The following DACH1 variants were observed in gnomAD, a reference collection of about 807,000 sequenced individuals.
DACH1 encodes dachshund family transcription factor 1.
In DACH1, 12 loss-of-function variants were observed where a neutral mutation model predicts 54.2. The observed-to-expected ratio is 0.22, with a 90% CI of 0.14 to 0.36. The LOEUF (loss-of-function observed/expected upper bound fraction) is 0.36, where lower values mean the gene tolerates loss of function less well. DACH1 is among the 10% of genes least tolerant of loss of function. DACH1 has a pLI of 1.00. For synonymous variants in DACH1, 386 were observed against 366.2 expected, an observed-to-expected ratio of 1.05 and a Z score of -0.62; for missense variants, 805 against 929.8, an observed-to-expected ratio of 0.87 and a Z score of 1.75.
At chr13:71,505,288 G>A (rs967066977) in intron 6 of DACH1, among the ~76,000 whole-genome samples, 3 of 151,986 alleles carry the variant, frequency 2.0e-5, no homozygotes, top group East Asian at 1.9e-4. Context: ...TCCTCATGTC[G>A]TCCAGGATGG....
chr13:71,566,824 G>GA (rs1332366478), intron 4 of DACH1, among the ~76,000 whole-genome samples: 1 of 151,728 alleles, frequency 6.6e-6, no homozygotes, highest in Non-Finnish European at 1.5e-5. Flanking sequence ...AAATTTTTGT[G>GA]AAAAAAATTT....
At chr13:71,568,611 C>T (rs1189632278) in intron 4 of DACH1, among the ~76,000 whole-genome samples, 1 of 151,896 alleles carries the variant, frequency 6.6e-6, no homozygotes, top group South Asian at 2.1e-4. Context: ...TATTGAGATG[C>T]AAATTTTAAT....
At chr13:71,688,256 T>C (rs1443817422) in intron 1 of DACH1, among the ~76,000 whole-genome samples, 1 of 152,224 alleles carries the variant, frequency 6.6e-6, no homozygotes, top group Non-Finnish European at 1.5e-5. Flanking sequence ...TTAATGTATG[T>C]ATATCAATAT....
chr13:71,687,460 G>A (rs565459571), intron 1 of DACH1, among the ~76,000 whole-genome samples: 3 of 152,012 alleles, frequency 2.0e-5, no homozygotes, highest in African/African-American at 7.2e-5. Flanking sequence ...AGTAAAGGAA[G>A]CAATAAATAC....
chr13:71,654,448 A>ATAAAGTAAAG lies in DACH1; in HGVS notation c.965-23732_965-23731insCTTTACTTTA, dbSNP rs1878932181. Among the ~76,000 whole-genome samples the ATAAAGTAAAG allele has an allele frequency of 2.8e-4, 29 of 105,212 alleles. 1 individual carries two copies. The South Asian group carries it at 3.4e-3, about 12-fold the overall frequency. 69.0% of individuals were successfully genotyped at this position (105,212 alleles called of 152,430 possible). A position where few individuals can be genotyped will look rare whatever the true frequency, so the allele number is the denominator to read the frequency against. ...ATAAAATAAAATAAAATAAAATAAA[A>ATAAAGTAAAG]TAAAATAAAGTAAAATAAAATAAAA... On this transcript the variant is annotated intron_variant, in intron 2 of 10. Transcript: ENST00000613252.
intron 8 of DACH1, 97 bp downstream of exon 8, chr13:71,479,072 A>C (rs1327906669): frequency 8.3e-7 from 1 of 1,209,134 alleles, no homozygotes; most frequent in African/African-American, 1.5e-5. Flanking sequence ...CGTTAAATTA[A>C]CAAAAATACT....
intron 1 of DACH1, among the ~76,000 whole-genome samples, chr13:71,813,137 T>C (rs1361258295): frequency 3.3e-5 from 5 of 152,230 alleles, no homozygotes; most frequent in Non-Finnish European, 7.3e-5. Context: ...GAGTACCTAC[T>C]ATGTTATTTT....
At chr13:71,650,948 G>T (rs1379688114) in intron 2 of DACH1, among the ~76,000 whole-genome samples, 1 of 152,038 alleles carries the variant, frequency 6.6e-6, no homozygotes, top group African/African-American at 2.4e-5. Context: ...AATTCATTAT[G>T]CATGAAGTAA....
chr13:71,747,902 T>C (rs1274481456), intron 1 of DACH1, among the ~76,000 whole-genome samples: 5 of 152,128 alleles, frequency 3.3e-5, no homozygotes, highest in Admixed American at 1.3e-4. Flanking sequence ...CCCTGGTCCA[T>C]TCTCACATTC....
At chr13:71,807,356 T>G (rs2138141305) in intron 1 of DACH1, among the ~76,000 whole-genome samples, 1 of 150,140 alleles carries the variant, frequency 6.7e-6, no homozygotes, top group East Asian at 1.9e-4. Context: ...TGTTTGCCAG[T>G]TCATTCGCAC....
chr13:71,734,014 A>G (rs184453940), intron 1 of DACH1, among the ~76,000 whole-genome samples: 1 of 151,814 alleles, frequency 6.6e-6, no homozygotes, highest in African/African-American at 2.4e-5. Context: ...GCACCACTGC[A>G]CTCCAGCCTG....
At chr13:71,475,278 G>A in intron 9 of DACH1, 69 bp from the exon 10 acceptor site, 1 of 1,270,780 alleles carries the variant, frequency 7.9e-7, no homozygotes. Context: ...AAAAAAAAGA[G>A]CAACCTGTTA....
At chr13:71,775,700 G>A (rs1406443605) in intron 1 of DACH1, among the ~76,000 whole-genome samples, 1 of 151,892 alleles carries the variant, frequency 6.6e-6, no homozygotes, top group Non-Finnish European at 1.5e-5. Flanking sequence ...CACTGACAGA[G>A]GAAGGAAAAA....
At chr13:71,592,511 A>AAAAAAAG (rs1566364649) in intron 3 of DACH1, among the ~76,000 whole-genome samples, 4 of 149,410 alleles carry the variant, frequency 2.7e-5, no homozygotes, top group African/African-American at 9.8e-5. Flanking sequence ...AAAAAAAAAA[A>AAAAAAAG]AAAAAAGAAA....
intron 3 of DACH1, chr13:71,573,651 T>A (rs531025032): frequency 1.6e-5 from 7 of 435,904 alleles, no homozygotes; most frequent in African/African-American, 8.2e-5. Flanking sequence ...ATGAGTTTTT[T>A]AAAAAATGTA....
At chr13:71,531,531 CTCTG>C (rs985676282) in intron 6 of DACH1, among the ~76,000 whole-genome samples, 2 of 151,830 alleles carry the variant, frequency 1.3e-5, no homozygotes, top group African/African-American at 4.8e-5. Flanking sequence ...CAAAGTAAAA[CTCTG>C]TCTAATAAAT....
chr13:71,611,849 C>T (rs1474461224), intron 3 of DACH1, among the ~76,000 whole-genome samples: 1 of 152,046 alleles, frequency 6.6e-6, no homozygotes, highest in Non-Finnish European at 1.5e-5. Flanking sequence ...TATTATTATT[C>T]ATAAAATTCC....
intron 1 of DACH1, among the ~76,000 whole-genome samples, chr13:71,771,351 A>AAATAAATAAATC (rs1885846281): frequency 6.7e-6 from 1 of 148,616 alleles, no homozygotes; most frequent in Non-Finnish European, 1.5e-5. Flanking sequence ...ATAAATAAAT[A>AAATAAATAAATC]AATAAATCTT....
intron 1 of DACH1, among the ~76,000 whole-genome samples, chr13:71,743,873 TCTC>T (rs1159403451): frequency 6.6e-6 from 1 of 152,168 alleles, no homozygotes; most frequent in Non-Finnish European, 1.5e-5. Context: ...CATCTCAGCT[TCTC>T]CTAATTATGT....
Sources: gnomAD v4.1 joint callset for allele counts (sites outside exome capture counted in the v4.1 genomes callset) on GRCh38, gnomAD v4.1.1 for gene constraint, MANE v1.5 for transcripts, NCBI Gene and HGNC (gene_info 2026-07-23, HGNC 2026-07-21) for gene names.